GABRB1: variants seen among roughly 807,000 people sequenced by gnomAD.
The protein encoded by GABRB1 is gamma-aminobutyric acid type A receptor subunit beta1.
Under a neutral mutation model 51.6 loss-of-function variants are expected in GABRB1, and 17 were observed. The ratio of observed to expected loss-of-function variants is 0.33; its 90% CI spans 0.23 to 0.49. GABRB1 has a LOEUF of 0.49. GABRB1 is among the 20% of genes least tolerant of loss of function. The pLI, the probability that GABRB1 is intolerant of heterozygous loss-of-function variation, is 0.99. For synonymous variants in GABRB1, 247 were observed against 218.9 expected (o/e 1.13, Z -1.14); for missense variants, 410 against 600.6 (o/e 0.68, Z 3.32).
intron 4 of GABRB1, among the ~76,000 whole-genome samples, chr4:47,225,271 C>T (rs761930671): frequency 1.3e-5 from 2 of 152,020 alleles, no homozygotes; most frequent in Non-Finnish European, 2.9e-5. Context: ...GGAGTCCATG[C>T]CGCGGAATTA....
At chr4:47,190,809 G>A (rs752524093) in intron 4 of GABRB1, among the ~76,000 whole-genome samples, 1 of 152,110 alleles carries the variant, frequency 6.6e-6, no homozygotes, top group South Asian at 2.1e-4. Flanking sequence ...GCCTGAGATC[G>A]TAGGGAGCAC....
chr4:47,083,985 G>A (rs1285843692), intron 3 of GABRB1, among the ~76,000 whole-genome samples: 1 of 151,644 alleles, frequency 6.6e-6, no homozygotes, highest in Non-Finnish European at 1.5e-5. Flanking sequence ...TACCCCAAAG[G>A]AAAAAATATC....
intron 1 of GABRB1, among the ~76,000 whole-genome samples, chr4:47,018,107 CTCT>C (rs1405191070): frequency 6.6e-6 from 1 of 150,832 alleles, no homozygotes; most frequent in Admixed American, 6.6e-5. Context: ...CCTCTGCCTC[CTCT>C]TCTTCTCCTC....
Position 47,392,101 on chromosome 4 carries a change from A to G in GABRB1, c.545-11217A>G, listed in dbSNP as rs567428653. Reference sequence around the variant, plus strand: ...AGATTGGAAGGGCTAAAAAAAAAAAACGCAGAAAGGAGAAGGAGAAGAGTG... The same window carrying G: ...AGATTGGAAGGGCTAAAAAAAAAAAGCGCAGAAAGGAGAAGGAGAAGAGTG... On this transcript the variant is annotated intron_variant, in intron 5 of 8. Coordinates refer to ENST00000295454, the MANE Select transcript of GABRB1 (RefSeq NM_000812.4). Among the ~76,000 whole-genome samples, 758 of 151,844 alleles carry G rather than the reference A, an allele frequency of 5.0e-3. 7 individuals carry two copies. The highest frequency in any genetic ancestry group is 0.017 in the African/African-American group (689 of 41,318).
chr4:47,061,016 T>G (rs933129289), intron 3 of GABRB1, among the ~76,000 whole-genome samples: 4 of 152,208 alleles, frequency 2.6e-5, no homozygotes, highest in Non-Finnish European at 5.9e-5. Flanking sequence ...TATTCTATCA[T>G]TATGAAACAC....
At chr4:47,389,263 G>T (rs1003346316) in intron 5 of GABRB1, among the ~76,000 whole-genome samples, 3 of 152,142 alleles carry the variant, frequency 2.0e-5, no homozygotes, top group Non-Finnish European at 4.4e-5. Context: ...CCCTGCTTAA[G>T]ATTTGATTTC....
chr4:47,247,735 C>T (rs1721821253), intron 4 of GABRB1, among the ~76,000 whole-genome samples: 1 of 151,836 alleles, frequency 6.6e-6, no homozygotes, highest in Non-Finnish European at 1.5e-5. Flanking sequence ...ACTTTTGACT[C>T]CTTGGTTAGG....
At chr4:47,383,781 T>A (rs185942309) in intron 5 of GABRB1, among the ~76,000 whole-genome samples, 1 of 152,294 alleles carries the variant, frequency 6.6e-6, no homozygotes, top group East Asian at 1.9e-4. Context: ...ATAGTTACTT[T>A]AGTAATCAAC....
chr4:47,419,888 T>A (rs1729043047), intron 8 of GABRB1, among the ~76,000 whole-genome samples: 1 of 152,160 alleles, frequency 6.6e-6, no homozygotes, highest in Non-Finnish European at 1.5e-5. Context: ...TAAGCTGTAT[T>A]CTCCACTCCC....
At chr4:47,237,871 T>C (rs1721385176) in intron 4 of GABRB1, among the ~76,000 whole-genome samples, 1 of 152,036 alleles carries the variant, frequency 6.6e-6, no homozygotes, top group African/African-American at 2.4e-5. Flanking sequence ...ATTGAGATTT[T>C]AAAAATACAT....
chr4:47,039,168 A>G (rs1250579695), intron 3 of GABRB1, among the ~76,000 whole-genome samples: 1 of 151,970 alleles, frequency 6.6e-6, no homozygotes, highest in Non-Finnish European at 1.5e-5. Flanking sequence ...TGCATTTTTT[A>G]TCTTTAGTGA....
intron 1 of GABRB1, among the ~76,000 whole-genome samples, chr4:47,008,814 A>ATT (rs1724492521): frequency 8.8e-6 from 1 of 114,254 alleles, no homozygotes; most frequent in Non-Finnish European, 1.7e-5. Flanking sequence ...TACCAGCAGT[A>ATT]TTAACTGTAG....
intron 4 of GABRB1, among the ~76,000 whole-genome samples, chr4:47,288,338 C>T (rs12640532): frequency 0.063 from 9,606 of 152,010 alleles, 512 homozygotes; most frequent in East Asian, 0.28. Flanking sequence ...TCTCGGCTCA[C>T]TGCAACCTCT....
upstream of GABRB1, among the ~76,000 whole-genome samples, chr4:47,029,170 G>A (rs1423699989): frequency 6.6e-6 from 1 of 151,842 alleles, no homozygotes; most frequent in African/African-American, 2.4e-5. Context: ...GACTGCATGA[G>A]TTTATCACTA....
chr4:47,172,314 T>C (rs147959844), intron 4 of GABRB1, among the ~76,000 whole-genome samples: 1 of 152,322 alleles, frequency 6.6e-6, no homozygotes, highest in Non-Finnish European at 1.5e-5. Context: ...TTGAAGTTAA[T>C]AGGATATATT....
chr4:47,406,499 A>G (rs1350821230), intron 7 of GABRB1, among the ~76,000 whole-genome samples, 183 bp from the exon 8 acceptor site: 1 of 152,186 alleles, frequency 6.6e-6, no homozygotes, highest in Non-Finnish European at 1.5e-5. Flanking sequence ...TTAATGGACT[A>G]TGTAGGGAGG....
At chr4:47,050,435 A>G (rs148415779) in intron 3 of GABRB1, among the ~76,000 whole-genome samples, 11 of 152,240 alleles carry the variant, frequency 7.2e-5, no homozygotes, top group African/African-American at 2.2e-4. Flanking sequence ...ATACGTATAT[A>G]TATATACATA....
rs545726408 is a variant in GABRB1, at chr4:47,329,068, T to G, written c.544+8859T>G. 4.2e-4 allele frequency among the ~76,000 whole-genome samples: 64 copies of G among 152,186 alleles called. 2 individuals are homozygous for G. The highest frequency in any genetic ancestry group is 3.3e-3 in the Admixed American group (50 of 15,264). ...CTACATTAACAACTGGAAATAAAATTTTTAAAGTATAGTTTTCAGACATAA... is the reference window on the plus strand; with the variant it reads ...CTACATTAACAACTGGAAATAAAATGTTTAAAGTATAGTTTTCAGACATAA... On this transcript the variant is annotated intron_variant, in intron 5 of 8. Coordinates refer to ENST00000295454, the MANE Select transcript of GABRB1 (RefSeq NM_000812.4).
At chr4:47,288,224 T>C (rs1267050402) in intron 4 of GABRB1, among the ~76,000 whole-genome samples, 2 of 151,428 alleles carry the variant, frequency 1.3e-5, no homozygotes, top group Non-Finnish European at 2.9e-5. Flanking sequence ...ACCTTGAACC[T>C]TGAGAACAGG....
Sources: allele counts gnomAD v4.1 joint callset (sites outside exome capture counted in the v4.1 genomes callset), GRCh38; gene constraint gnomAD v4.1.1; transcripts MANE v1.5; gene names NCBI Gene and HGNC (gene_info 2026-07-23, HGNC 2026-07-21).